The following GTF3C1 variants were observed in gnomAD, a reference collection of about 807,000 sequenced individuals.
GTF3C1 encodes the protein general transcription factor IIIC subunit 1.
In GTF3C1, 57 loss-of-function variants were observed where a neutral mutation model predicts 226.7. The ratio of observed to expected loss-of-function variants is 0.25; its 90% confidence interval spans 0.20 to 0.31. The LOEUF (loss-of-function observed/expected upper bound fraction) is 0.31, where lower values mean the gene tolerates loss of function less well. GTF3C1 is among the 10% of genes least tolerant of loss of function. The probability of loss-of-function intolerance (pLI) is 1.00; values close to 1 mark genes in which losing one functional copy is unlikely to be tolerated. For synonymous variants in GTF3C1, 1,090 were observed against 1,084.8 expected, an observed-to-expected ratio of 1.00 and a Z score of -0.09; for missense variants, 2,217 against 2,776.1, an observed-to-expected ratio of 0.80 and a Z score of 4.53.
chr16:27,481,075 T>C lies in GTF3C1; in HGVS notation c.4196+4A>G. ...CACATGGAACCATCCCAGAAACGGC[T>C]TACCTGGCGAACAGCTCCTGGAGTG... On this transcript the variant is annotated splice_donor_region_variant and intron_variant, in intron 27 of 36. Transcript: ENST00000356183. 1 of 1,612,620 alleles carries C rather than the reference T, an allele frequency of 6.2e-7. No individual in the cohort carries two copies. The highest frequency in any genetic ancestry group is 1.1e-5 in the South Asian group (1 of 91,064).
At chr16:27,503,060 A>C in intron 10 of GTF3C1, 65 bp from the exon 11 acceptor site, 1 of 1,267,544 alleles carries the variant, frequency 7.9e-7, no homozygotes. Flanking sequence ...CACGCACCAC[A>C]CCTGTGGGTG....
Position 27,470,514 on chromosome 16 carries a change from T to G in GTF3C1, c.4527-119A>C. 1.3e-6 allele frequency: 1 copy of G among 765,408 alleles called. No individual in the cohort carries two copies. The highest frequency in any genetic ancestry group is 2.2e-6 in the Non-Finnish European group (1 of 459,512). The allele number at this position is 765,408 out of a possible 1,614,324, so 47.4% of individuals were successfully genotyped here. A position where few individuals can be genotyped will look rare whatever the true frequency, so the allele number is the denominator to read the frequency against. ...AGAACTAAGCAAAACGCCCCACTTCTTCCCTAAAGCTCTCTGTCCCATCCC... is the reference window on the plus strand; with the variant it reads ...AGAACTAAGCAAAACGCCCCACTTCGTCCCTAAAGCTCTCTGTCCCATCCC... On this transcript the variant is annotated intron_variant, in intron 30 of 36. Coordinates refer to ENST00000356183, the MANE Select transcript of GTF3C1 (RefSeq NM_001520.4). This position sits in a 1 kb window ranked among gnomAD's most constrained non-coding sequence, Gnocchi z 4.9.
Position 27,461,755 on chromosome 16 carries a change from C to T in GTF3C1, c.6118-193G>A, listed in dbSNP as rs1030661741. On this transcript the variant is annotated intron_variant, in intron 36 of 36. Transcript: ENST00000356183. The surrounding 1 kb of genome is among the most constrained non-coding windows in gnomAD (Gnocchi z 5.3). ...GCAAAGGCCCTGGTGGGAGAGGCAG[C>T]TGCCTGAGCAGCACGTGTACAGCGC... The T allele has an allele frequency of 4.0e-5, 24 of 597,226 alleles. No homozygotes were observed. The highest frequency in any genetic ancestry group is 6.9e-5 in the Non-Finnish European group (23 of 334,474). The allele number at this position is 597,226 out of a possible 1,614,324, so 37.0% of individuals were successfully genotyped here.
rs896493503 is a variant in GTF3C1 at position 27,485,980 on chromosome 16, G to C, written c.3858+17C>G. On this transcript the variant is annotated intron_variant, in intron 24 of 36. Transcript: ENST00000356183. ...GAGTGAGGGGCAGGCCCACCGCTGG[G>C]CTGGGCTGGTTGGTACCTTGGTGTT... 36 of 1,572,382 alleles carry C rather than the reference G, an allele frequency of 2.3e-5. No homozygotes were observed. The highest frequency in any genetic ancestry group is 3.1e-5 in the Non-Finnish European group (36 of 1,152,942).
At position 27,464,391 on chromosome 16, in the gene GTF3C1, T is replaced by A; in HGVS notation, c.5801A>T (p.Glu1934Val). The A allele has an allele frequency of 6.3e-7, 1 of 1,594,776 alleles. No homozygotes were observed. The highest frequency in any genetic ancestry group is 8.5e-7 in the Non-Finnish European group (1 of 1,171,132). The stretch of plus-strand genomic sequence containing the variant: ...CTGCTCTTGGCCTGGGGAACTGAAC[T>A]CACCGACACCCTCTTGGTCTTCCTG... ...AAQEDQEGVG[E>V]FSSPGQEQLS... Residue 1934 changes from glutamate (E) to valine (V), a missense_variant, in exon 34 of 37, where the codon GAG becomes GTG. Coordinates refer to ENST00000356183, the MANE Select transcript of GTF3C1 (RefSeq NM_001520.4).
At chr16:27,528,532 T>A in intron 6 of GTF3C1, 66 bp downstream of exon 6, 1 of 1,279,090 alleles carries the variant, frequency 7.8e-7, no homozygotes, top group Non-Finnish European at 1.1e-6. Context: ...AGAGAGAGGC[T>A]GAAGCTTAGA....
chr16:27,530,464 C>T (rs924545544), intron 5 of GTF3C1, among the ~76,000 whole-genome samples: 1 of 152,134 alleles, frequency 6.6e-6, no homozygotes, highest in Admixed American at 6.5e-5. Flanking sequence ...ACAATCTGGC[C>T]AGCAGAAAGA....
Position 27,470,097 on chromosome 16 carries a change from C to A in GTF3C1, c.4814+11G>T. 1 of 1,608,314 alleles carries A rather than the reference C, an allele frequency of 6.2e-7. No individual in the cohort carries two copies. Among genetic ancestry groups the A allele is most frequent in the South Asian group, 1.1e-5 (1 of 90,702 alleles). ...TGGCCAGACCTGATGCTGCGGATGC[C>A]GGACTCTTACCTTTTGATGACCTCA... On this transcript the variant is annotated intron_variant, in intron 31 of 36. Coordinates refer to ENST00000356183, the MANE Select transcript of GTF3C1 (RefSeq NM_001520.4). The surrounding 1 kb of genome is among the most constrained non-coding windows in gnomAD (Gnocchi z 4.9).
intron 10 of GTF3C1, among the ~76,000 whole-genome samples, chr16:27,503,851 G>A (rs1209081556): frequency 6.6e-6 from 1 of 152,172 alleles, no homozygotes; most frequent in Non-Finnish European, 1.5e-5. Flanking sequence ...CCAGCTGGGA[G>A]TAGCACTTTC....
chr16:27,480,328 A>G (rs1249163762), intron 27 of GTF3C1, among the ~76,000 whole-genome samples: 3 of 152,204 alleles, frequency 2.0e-5, no homozygotes, highest in African/African-American at 4.8e-5. Context: ...ATTCTGGGGA[A>G]CAGTCTACTG....
chr16:27,481,219 A>G (rs1226552234), intron 26 of GTF3C1, 28 bp from the exon 27 acceptor site: 3 of 1,584,758 alleles, frequency 1.9e-6, no homozygotes, highest in African/African-American at 1.3e-5. Flanking sequence ...TGAGAGGTTA[A>G]GCCCTTACTC....
Position 27,461,668 on chromosome 16 carries a change from C to A in GTF3C1, c.6118-106G>T. ...CCCCCTCTGTACCAGGGAGCCACTT[C>A]CCAGAGCAGGGGGCACCTGAACTGG... On this transcript the variant is annotated intron_variant, in intron 36 of 36. Transcript: ENST00000356183. The surrounding 1 kb of genome is among the most constrained non-coding windows in gnomAD (Gnocchi z 5.3). The A allele has an allele frequency of 1.2e-6, 1 of 838,258 alleles. No homozygotes were observed. Among genetic ancestry groups the A allele is most frequent in the Non-Finnish European group, 1.9e-6 (1 of 522,304 alleles). The allele number at this position is 838,258 out of a possible 1,614,324, so 51.9% of individuals were successfully genotyped here.
At position 27,485,981 on chromosome 16, in the gene GTF3C1, C is replaced by A; in HGVS notation, c.3858+16G>T. The stretch of plus-strand genomic sequence containing the variant: ...AGTGAGGGGCAGGCCCACCGCTGGG[C>A]TGGGCTGGTTGGTACCTTGGTGTTG... On this transcript the variant is annotated intron_variant, in intron 24 of 36. Transcript: ENST00000356183. 1.3e-6 allele frequency: 2 copies of A among 1,570,670 alleles called. No individual in the cohort carries two copies. Among genetic ancestry groups the A allele is most frequent in the Non-Finnish European group, 1.7e-6 (2 of 1,151,282 alleles).
chr16:27,478,517 G>A lies in GTF3C1; in HGVS notation c.4211C>T (p.Ala1404Val), dbSNP rs989697822. The A allele has an allele frequency of 7.6e-5, 123 of 1,611,104 alleles. No individual in the cohort carries two copies. The highest frequency in any genetic ancestry group is 1.0e-4 in the Non-Finnish European group (121 of 1,177,446). ...QELFARYRVL[A>V]IGDEKDQTRK... ...GGTTTGATCTTTTTCATCCCCAATT[G>A]CCAAAACTCGGTACCTGCAAAAGAA... The change falls in exon 28 of 37, where the codon GCA becomes GTA. Residue 1404 changes from alanine (A) to valine (V), a missense_variant. Transcript: ENST00000356183.
chr16:27,499,323 A>T (rs2088369871), intron 12 of GTF3C1, among the ~76,000 whole-genome samples: 1 of 152,208 alleles, frequency 6.6e-6, no homozygotes, highest in Non-Finnish European at 1.5e-5. Context: ...AGGATGAAAA[A>T]CAGACTGTGT....
intron 29 of GTF3C1, among the ~76,000 whole-genome samples, chr16:27,473,866 C>T (rs927603487): frequency 2.6e-5 from 4 of 152,246 alleles, no homozygotes; most frequent in African/African-American, 9.6e-5. Flanking sequence ...CACCATCATC[C>T]TTCCCTAGAG....
At chr16:27,536,063 C>T (rs1047960556) in intron 4 of GTF3C1, among the ~76,000 whole-genome samples, 2 of 152,246 alleles carry the variant, frequency 1.3e-5, no homozygotes, top group Non-Finnish European at 2.9e-5. Flanking sequence ...TGCGACTGCC[C>T]GCCATTTCAA....
chr16:27,524,986 T>C (rs2141432478), intron 6 of GTF3C1, among the ~76,000 whole-genome samples: 1 of 152,172 alleles, frequency 6.6e-6, no homozygotes, highest in East Asian at 1.9e-4. Flanking sequence ...AAACCCCATC[T>C]CTACTAAAAA....
intron 6 of GTF3C1, among the ~76,000 whole-genome samples, chr16:27,518,892 A>C (rs2088703278): frequency 6.6e-6 from 1 of 152,234 alleles, no homozygotes; most frequent in Non-Finnish European, 1.5e-5. Flanking sequence ...GTAAGGACTA[A>C]ATTAATGAAT....
Sources: allele counts gnomAD v4.1 joint callset (sites outside exome capture counted in the v4.1 genomes callset), GRCh38; gene constraint gnomAD v4.1.1; non-coding constraint Gnocchi (gnomAD v3.1); transcripts MANE v1.5; gene names NCBI Gene and HGNC (gene_info 2026-07-23, HGNC 2026-07-21).